DLG2: variants seen among roughly 807,000 people sequenced by gnomAD.
The protein encoded by DLG2 is discs large MAGUK scaffold protein 2, also known as disks large homolog 2.
In DLG2, 45 loss-of-function variants were observed where a neutral mutation model predicts 132.5. That is an observed-to-expected ratio of 0.34 (90% CI 0.27 to 0.44). The LOEUF (loss-of-function observed/expected upper bound fraction) is 0.44. DLG2 is among the 20% of genes least tolerant of loss of function. The pLI, the probability that DLG2 is intolerant of heterozygous loss-of-function variation, is 1.00. For missense variants in DLG2, 1,045 were observed against 1,196.9 expected, an observed-to-expected ratio of 0.87 and a Z score of 1.87; for synonymous variants, 424 against 419.6, an observed-to-expected ratio of 1.01 and a Z score of -0.13.
chr11:84,311,179 C>T (rs940076234), intron 7 of DLG2, among the ~76,000 whole-genome samples: 1 of 152,078 alleles, frequency 6.6e-6, no homozygotes, highest in African/African-American at 2.4e-5. Context: ...TAGCCTTCAT[C>T]ATTATAAGGA....
At chr11:84,457,494 G>A (rs1204057368) in intron 7 of DLG2, among the ~76,000 whole-genome samples, 1 of 151,024 alleles carries the variant, frequency 6.6e-6, no homozygotes, top group Non-Finnish European at 1.5e-5. Context: ...ATAATCAAAT[G>A]CCAAACTGTA....
At chr11:83,761,037 T>G (rs1334909586) in intron 18 of DLG2, among the ~76,000 whole-genome samples, 1 of 152,188 alleles carries the variant, frequency 6.6e-6, no homozygotes, top group African/African-American at 2.4e-5. Context: ...AGATTTTGCT[T>G]GTTGGCTTCT....
At chr11:84,916,377 A>AAAAAAAAAG (rs2092469360) in intron 6 of DLG2, among the ~76,000 whole-genome samples, 1 of 148,618 alleles carries the variant, frequency 6.7e-6, no homozygotes, top group African/African-American at 2.5e-5. Flanking sequence ...AAAAAAAAAA[A>AAAAAAAAAG]AAGAAGCAGT....
intron 6 of DLG2, among the ~76,000 whole-genome samples, chr11:84,557,012 C>A (rs746935699): frequency 6.6e-6 from 1 of 152,156 alleles, no homozygotes; most frequent in Non-Finnish European, 1.5e-5. Flanking sequence ...CTGCCTCTCC[C>A]CTGAGGTAAT....
intron 19 of DLG2, among the ~76,000 whole-genome samples, chr11:83,589,442 A>C (rs2097149441): frequency 1.3e-5 from 2 of 151,890 alleles, no homozygotes; most frequent in Admixed American, 1.3e-4. Context: ...GCAAATGCTG[A>C]GAGATTTTGT....
intron 6 of DLG2, among the ~76,000 whole-genome samples, chr11:84,741,686 C>T (rs928726502): frequency 3.3e-5 from 5 of 151,750 alleles, no homozygotes; most frequent in Admixed American, 3.3e-4. Flanking sequence ...AAACCCACTC[C>T]ATAAATTGAA....
chr11:84,577,172 G>C (rs190235708), intron 6 of DLG2, among the ~76,000 whole-genome samples: 1 of 152,312 alleles, frequency 6.6e-6, no homozygotes, highest in African/African-American at 2.4e-5. Context: ...ATGTGGAATG[G>C]TACGTCCAAT....
intron 3 of DLG2, among the ~76,000 whole-genome samples, chr11:85,299,675 T>C (rs999040278): frequency 6.6e-6 from 1 of 152,192 alleles, no homozygotes; most frequent in Admixed American, 6.5e-5. Flanking sequence ...AATTTTATTG[T>C]GCACCAAAAT....
chr11:84,737,627 T>C (rs2064028328), intron 6 of DLG2, among the ~76,000 whole-genome samples: 1 of 151,768 alleles, frequency 6.6e-6, no homozygotes, highest in African/African-American at 2.4e-5. Context: ...GAAGATCGTA[T>C]AGCTGTAGTG....
intron 21 of DLG2, among the ~76,000 whole-genome samples, chr11:83,484,569 T>TTGAA (rs1197659499): frequency 4.6e-5 from 7 of 152,128 alleles, no homozygotes; most frequent in Non-Finnish European, 7.4e-5. Flanking sequence ...AGAAAGGGAA[T>TTGAA]TGAATGTCTC....
At chr11:84,901,810 A>T (rs183412330) in intron 6 of DLG2, among the ~76,000 whole-genome samples, 3 of 152,106 alleles carry the variant, frequency 2.0e-5, no homozygotes, top group Non-Finnish European at 4.4e-5. Context: ...TAGAAAACAA[A>T]CTCTTAATAT....
intron 6 of DLG2, among the ~76,000 whole-genome samples, chr11:84,699,875 G>A (rs191794621): frequency 1.3e-5 from 2 of 151,610 alleles, no homozygotes; most frequent in African/African-American, 4.8e-5. Flanking sequence ...GGCTATGTTT[G>A]GGAAAGTGCA....
At chr11:84,122,150 A>C (rs1259842166) in intron 9 of DLG2, among the ~76,000 whole-genome samples, 1 of 151,722 alleles carries the variant, frequency 6.6e-6, no homozygotes, top group East Asian at 2.0e-4. Context: ...GTGAAACCCC[A>C]TCTCTACTGA....
chr11:84,149,295 G>A (rs2095210704), intron 9 of DLG2, among the ~76,000 whole-genome samples: 1 of 152,072 alleles, frequency 6.6e-6, no homozygotes, highest in Non-Finnish European at 1.5e-5. Context: ...CTTTGCCAAT[G>A]CCAATGTTGA....
intron 18 of DLG2, among the ~76,000 whole-genome samples, chr11:83,658,523 C>T (rs2073364135): frequency 6.6e-6 from 1 of 152,320 alleles, no homozygotes; most frequent in Middle Eastern, 3.4e-3. Flanking sequence ...TTGTAACTGA[C>T]ACCATTTGAC....
intron 8 of DLG2, among the ~76,000 whole-genome samples, chr11:84,167,946 G>A (rs556117789): frequency 2.6e-5 from 4 of 152,294 alleles, no homozygotes; most frequent in South Asian, 2.1e-4. Context: ...GATTACAGGC[G>A]TGAGCCACCA....
intron 6 of DLG2, among the ~76,000 whole-genome samples, chr11:84,927,628 T>C (rs1349387156): frequency 6.6e-6 from 1 of 152,020 alleles, no homozygotes; most frequent in Non-Finnish European, 1.5e-5. Context: ...TACATAAATA[T>C]CTACTTAAAC....
intron 6 of DLG2, among the ~76,000 whole-genome samples, chr11:84,650,867 G>T (rs772934578): frequency 2.1e-5 from 2 of 95,682 alleles, no homozygotes; most frequent in African/African-American, 5.1e-5. Flanking sequence ...GTGTGTGTGT[G>T]TGTGTGTATA....
chr11:83,654,126 T>G (rs552295983), intron 18 of DLG2, among the ~76,000 whole-genome samples: 3 of 152,298 alleles, frequency 2.0e-5, no homozygotes, highest in East Asian at 3.9e-4. Flanking sequence ...CTTAAAGCAG[T>G]GATTGTGTTC....
Sources: gnomAD v4.1 joint callset for allele counts (sites outside exome capture counted in the v4.1 genomes callset) on GRCh38, gnomAD v4.1.1 for gene constraint, MANE v1.5 for transcripts, NCBI Gene and HGNC (gene_info 2026-07-23, HGNC 2026-07-21) for gene names.